ZNF780A: variants seen among roughly 807,000 people sequenced by gnomAD.
The protein encoded by ZNF780A is zinc finger protein 780A.
A neutral mutation model predicts 56.7 loss-of-function variants in ZNF780A; 40 were observed. That is an observed-to-expected ratio of 0.71 (90% CI 0.55 to 0.92). The LOEUF is 0.92. Ranked by LOEUF, ZNF780A falls within the 40% of genes least tolerant of loss-of-function variation. The probability of loss-of-function intolerance (pLI) is 0.00; values close to 1 mark genes in which losing one functional copy is unlikely to be tolerated. For synonymous variants in ZNF780A, 231 were observed against 248.3 expected (o/e 0.93, Z 0.66); for missense variants, 672 against 783.3 (o/e 0.86, Z 1.70).
Position 40,076,834 on chromosome 19 carries a change from T to C in ZNF780A, c.233-625A>G, listed in dbSNP as rs73930693. On this transcript the variant is annotated intron_variant, in intron 5 of 5. Coordinates refer to ENST00000683561, the MANE Select transcript of ZNF780A (RefSeq NM_001142578.2). ...TCACAGAGGCCTAAGGTCAGACACA[T>C]ACAACCTGCTGTTTCCTCCACAACT... is the stretch of plus-strand genomic sequence containing the variant. 5.6e-3 allele frequency among the ~76,000 whole-genome samples: 860 copies of C among 152,232 alleles called. 11 individuals are homozygous for C. The highest frequency in any genetic ancestry group is 0.019 in the African/African-American group (808 of 41,540).
chr19:40,072,989 G>A, downstream of ZNF780A: 1 of 1,539,164 alleles, frequency 6.5e-7, no homozygotes, highest in Non-Finnish European at 8.7e-7. Context: ...TCTGAAAATG[G>A]AATGATATTA....
chr19:40,082,930 G>A (rs536253000), intron 4 of ZNF780A, among the ~76,000 whole-genome samples, 181 bp downstream of exon 4: 1 of 152,314 alleles, frequency 6.6e-6, no homozygotes, highest in South Asian at 2.1e-4. Flanking sequence ...TTGTGGAGTA[G>A]GCAAGATGCA....
At chr19:40,089,981 AAGAG>A (rs913806490) in intron 2 of ZNF780A, among the ~76,000 whole-genome samples, 181 bp downstream of exon 2, 6 of 152,182 alleles carry the variant, frequency 3.9e-5, no homozygotes, top group Non-Finnish European at 8.8e-5. Context: ...AGCTTCGAAA[AAGAG>A]AGCGCACAGG....
rs1212063680 is a variant in ZNF780A, at chr19:40,075,706, C to T, written c.736G>A (p.Glu246Lys). The T allele has an allele frequency of 1.2e-6, 2 of 1,613,936 alleles. No individual in the cohort carries two copies. Among genetic ancestry groups the T allele is most frequent in the Non-Finnish European group, 1.7e-6 (2 of 1,179,956 alleles). The stretch of plus-strand genomic sequence containing the variant: ...CATTCCTTACATTCAAACAGTTTCT[C>T]ACCTGTGTGAATGTTCTTATGGCGA... ...LNRHKNIHTG[E>K]KLFECKECGK... The change falls in exon 6 of 6, where the codon GAG (glutamate) becomes AAG (lysine). Residue 246 changes from glutamate to lysine, a missense_variant. Transcript: ENST00000683561.
intron 5 of ZNF780A, among the ~76,000 whole-genome samples, chr19:40,080,508 A>C (rs1454359111): frequency 6.6e-6 from 1 of 152,240 alleles, no homozygotes; most frequent in East Asian, 1.9e-4. Flanking sequence ...CATAAAAAAG[A>C]ACAAGATTAT....
At chr19:40,076,234 C>T (rs770405985) in intron 5 of ZNF780A, 25 bp from the exon 6 acceptor site, 16 of 1,527,250 alleles carry the variant, frequency 1.0e-5, no homozygotes, top group Non-Finnish European at 1.2e-5. Context: ...GAAAGCAAAC[C>T]TATTTTATTT....
At position 40,074,053 on chromosome 19, in the gene ZNF780A, T is replaced by C; in HGVS notation, c.*463A>G. On this transcript the variant is annotated 3_prime_UTR_variant, in exon 6 of 6. Transcript: ENST00000683561. ...CCAGTATGAATTCTTTGATGTGCAG[T>C]CAGGACCAAACTAAATCTGAAAGTT... 1.6e-6 allele frequency: 2 copies of C among 1,243,318 alleles called. No homozygotes were observed. The highest frequency in any genetic ancestry group is 2.1e-6 in the Non-Finnish European group (2 of 973,124). The allele number at this position is 1,243,318 out of a possible 1,614,324, so 77.0% of individuals were successfully genotyped here.
chr19:40,084,326 T>C (rs779993760), intron 3 of ZNF780A, among the ~76,000 whole-genome samples: 1 of 152,184 alleles, frequency 6.6e-6, no homozygotes, highest in African/African-American at 2.4e-5. Flanking sequence ...TTGTCACACT[T>C]GCAGACTGAG....
Position 40,074,439 on chromosome 19 carries a change from G to A in ZNF780A, c.*77C>T. 6.3e-7 allele frequency: 1 copy of A among 1,587,920 alleles called. No homozygotes were observed. Among genetic ancestry groups the A allele is most frequent in the Non-Finnish European group, 8.6e-7 (1 of 1,167,570 alleles). ...TTCCCACACCCCTTACATTCACATG[G>A]TTTTACACCAGCACGAATACTCTGA... On this transcript the variant is annotated 3_prime_UTR_variant, in exon 6 of 6. Coordinates refer to ENST00000683561, the MANE Select transcript of ZNF780A (RefSeq NM_001142578.2).
rs533623198 is a variant in ZNF780A, at chr19:40,088,721, T to G, written c.-46+1445A>C. Among the ~76,000 whole-genome samples the G allele has an allele frequency of 2.4e-3, 371 of 152,306 alleles. 2 individuals are homozygous for G. The highest frequency in any genetic ancestry group is 8.6e-3 in the African/African-American group (358 of 41,566). Reference sequence around the variant, plus strand: ...ATACCCATGTTTATTGCAGCATTATTCACAATAGCCAAGATATGGCATCAA... The same window carrying G: ...ATACCCATGTTTATTGCAGCATTATGCACAATAGCCAAGATATGGCATCAA... On this transcript the variant is annotated intron_variant, in intron 2 of 5. Transcript: ENST00000683561.
At position 40,074,392 on chromosome 19, in the gene ZNF780A, G is replaced by A. The variant is rs758122436; in HGVS notation, c.*124C>T. The stretch of plus-strand genomic sequence containing the variant: ...AATGAATTTTCTGATGCTGAATAAC[G>A]TTTGAACCACAAATGAAGCCTTTCC... On this transcript the variant is annotated 3_prime_UTR_variant, in exon 6 of 6. Transcript: ENST00000683561. 6.9e-5 allele frequency: 107 copies of A among 1,547,324 alleles called. No homozygotes were observed. The highest frequency in any genetic ancestry group is 1.7e-4 in the Middle Eastern group (1 of 5,742).
At position 40,081,856 on chromosome 19, in the gene ZNF780A, C is replaced by A; in HGVS notation, c.195G>T (p.Trp65Cys). The A allele has an allele frequency of 6.2e-7, 1 of 1,613,180 alleles. No homozygotes were observed. Among genetic ancestry groups the A allele is most frequent in the Non-Finnish European group, 8.5e-7 (1 of 1,179,428 alleles). The change falls in exon 5 of 6, where the codon TGG (tryptophan) becomes TGT (cysteine). Residue 65 changes from tryptophan (W) to cysteine (C), a missense_variant. Coordinates refer to ENST00000683561, the MANE Select transcript of ZNF780A (RefSeq NM_001142578.2). ...ITLLEQEKEP[W>C]MVVRKETSRR... is the part of the protein sequence containing the mutation. ...TGCTTGTTTCTTTCCTTACAACCAT[C>A]CAGGGCTCTTTCTCTTGCTCTAGTA...
At chr19:40,082,704 T>C (rs1481231388) in intron 4 of ZNF780A, among the ~76,000 whole-genome samples, 1 of 152,100 alleles carries the variant, frequency 6.6e-6, no homozygotes, top group Non-Finnish European at 1.5e-5. Context: ...GTTTCTCTGA[T>C]AGAAAAATTC....
At position 40,075,325 on chromosome 19, in the gene ZNF780A, G is replaced by A. The variant is rs1213444717; in HGVS notation, c.1117C>T (p.Leu373Phe). Reference protein sequence around the residue: ...CRECGKAFSLLNQLNRHKNIH... With the variant: ...CRECGKAFSLFNQLNRHKNIH... ...TTCTTATGGCGATTAAGCTGGTTGA[G>A]AAGACTAAAGGCCTTCCCACATTCC... The change falls in exon 6 of 6, where the codon CTC (leucine) becomes TTC (phenylalanine). Residue 373 changes from leucine (L) to phenylalanine (F), a missense_variant. Transcript: ENST00000683561. The A allele has an allele frequency of 2.5e-6, 4 of 1,613,340 alleles. No individual in the cohort carries two copies. In the South Asian group the frequency reaches 4.4e-5, roughly 18 times the overall value.
chr19:40,085,747 G>A (rs1482507599), intron 2 of ZNF780A, among the ~76,000 whole-genome samples: 6 of 152,072 alleles, frequency 3.9e-5, no homozygotes. Flanking sequence ...GGGTGTGGTG[G>A]TGCATGCCTA....
Position 40,074,438 on chromosome 19 carries a change from G to A in ZNF780A, c.*78C>T. The A allele has an allele frequency of 1.3e-6, 2 of 1,577,968 alleles. No homozygotes were observed. The highest frequency in any genetic ancestry group is 2.4e-5 in the South Asian group (2 of 83,932). On this transcript the variant is annotated 3_prime_UTR_variant, in exon 6 of 6. Transcript: ENST00000683561. ...TTTCCCACACCCCTTACATTCACATGGTTTTACACCAGCACGAATACTCTG... is the reference window on the plus strand; with the variant it reads ...TTTCCCACACCCCTTACATTCACATAGTTTTACACCAGCACGAATACTCTG...
At position 40,074,952 on chromosome 19, in the gene ZNF780A, C is replaced by T; in HGVS notation, c.1490G>A (p.Gly497Asp). The stretch of plus-strand genomic sequence containing the variant: ...CTCCTTACATTCATAGGGCTTCTCA[C>T]CAGTGTGAATACTCTGATGTTGAAC... ...SLVQHQSIHT[G>D]EKPYECKECG... is the part of the protein sequence containing the mutation. The change falls in exon 6 of 6, where the codon GGT (glycine) becomes GAT (aspartate). Residue 497 changes from glycine to aspartate, a missense_variant. Physicochemically the swap from Gly to Asp is moderately conservative, Grantham distance 94 (BLOSUM62 -1). Transcript: ENST00000683561. The T allele has an allele frequency of 1.9e-6, 3 of 1,614,166 alleles. No homozygotes were observed. The highest frequency in any genetic ancestry group is 2.2e-5 in the East Asian group (1 of 44,872).
At position 40,075,948 on chromosome 19, in the gene ZNF780A, T is replaced by C. The variant is rs1312624847; in HGVS notation, c.494A>G (p.Tyr165Cys). The C allele has an allele frequency of 6.2e-7, 1 of 1,613,954 alleles. No individual in the cohort carries two copies. The highest frequency in any genetic ancestry group is 8.5e-7 in the Non-Finnish European group (1 of 1,179,962). The change falls in exon 6 of 6, where the codon TAT (tyrosine) becomes TGT (cysteine). Residue 165 changes from tyrosine (Y) to cysteine (C), a missense_variant. Coordinates refer to ENST00000683561, the MANE Select transcript of ZNF780A (RefSeq NM_001142578.2). Reference sequence around the variant, plus strand: ...GTATTTCCCACATTCCTTACATTCATACGGTTTATGTGTATTGCAAATAAG... The same window carrying C: ...GTATTTCCCACATTCCTTACATTCACACGGTTTATGTGTATTGCAAATAAG... ...ASLICNTHKP[Y>C]ECKECGKYFS...
intron 3 of ZNF780A, among the ~76,000 whole-genome samples, chr19:40,084,493 C>T (rs916027401): frequency 6.6e-6 from 1 of 152,146 alleles, no homozygotes; most frequent in Non-Finnish European, 1.5e-5. Flanking sequence ...CAATATTCTT[C>T]CTGACCAAGG....
Sources: gnomAD v4.1 joint callset for allele counts (sites outside exome capture counted in the v4.1 genomes callset) on GRCh38, gnomAD v4.1.1 for gene constraint, MANE v1.5 for transcripts, NCBI Gene and HGNC (gene_info 2026-07-23, HGNC 2026-07-21) for gene names.